The following RPS6KA2 variants were observed in gnomAD, a reference collection of about 807,000 sequenced individuals.
RPS6KA2 encodes the protein ribosomal protein S6 kinase alpha-2.
RPS6KA2 carries 42 observed loss-of-function variants against 91.8 expected under a neutral mutation model. The ratio of observed to expected loss-of-function variants is 0.46; its 90% CI spans 0.36 to 0.59. The LOEUF (loss-of-function observed/expected upper bound fraction) is 0.59. RPS6KA2 is among the 20% of genes least tolerant of loss of function. RPS6KA2 has a pLI of 0.00. For synonymous variants in RPS6KA2, 414 were observed against 393.6 expected (o/e 1.05, Z -0.61); for missense variants, 798 against 978.5 (o/e 0.82, Z 2.46).
chr6:166,670,470 G>T (rs944297738), intron 2 of RPS6KA2, among the ~76,000 whole-genome samples: 1 of 152,134 alleles, frequency 6.6e-6, no homozygotes, highest in African/African-American at 2.4e-5. Context: ...TAAGTTTGGG[G>T]GTAATTTGTT....
intron 2 of RPS6KA2, among the ~76,000 whole-genome samples, chr6:166,663,550 G>T (rs886410011): frequency 2.6e-5 from 4 of 152,186 alleles, no homozygotes; most frequent in African/African-American, 4.8e-5. Context: ...CCCCTCTTTG[G>T]GTCTTTGGTT....
At chr6:166,654,794 G>A (rs1324017565) in intron 2 of RPS6KA2, among the ~76,000 whole-genome samples, 5 of 152,132 alleles carry the variant, frequency 3.3e-5, no homozygotes, top group South Asian at 4.1e-4. Context: ...TGTACATCAC[G>A]TTAGGAGACC....
chr6:166,808,940 C>T (rs572609688), intron 2 of RPS6KA2, among the ~76,000 whole-genome samples: 18 of 152,184 alleles, frequency 1.2e-4, no homozygotes, highest in African/African-American at 3.9e-4. Flanking sequence ...GGTACAGAGG[C>T]GAGACTTGAC....
At chr6:166,720,906 G>A (rs1383928900) in intron 2 of RPS6KA2, among the ~76,000 whole-genome samples, 3 of 152,206 alleles carry the variant, frequency 2.0e-5, no homozygotes, top group African/African-American at 4.8e-5. Flanking sequence ...ATGAGCTCCT[G>A]TGTTTAATCT....
chr6:166,569,430 T>C (rs1204777579), intron 1 of RPS6KA2, among the ~76,000 whole-genome samples: 1 of 152,250 alleles, frequency 6.6e-6, no homozygotes, highest in Admixed American at 6.5e-5. Context: ...TTGCATGGTA[T>C]GTGTCTCTTT....
intron 19 of RPS6KA2, among the ~76,000 whole-genome samples, chr6:166,417,485 C>A (rs1392529811): frequency 6.6e-6 from 1 of 152,182 alleles, no homozygotes; most frequent in East Asian, 1.9e-4. Context: ...AATTCTGTGG[C>A]AGATAGCCTG....
chr6:166,858,733 A>G (rs888650108), intron 1 of RPS6KA2, among the ~76,000 whole-genome samples: 3 of 152,364 alleles, frequency 2.0e-5, no homozygotes, highest in African/African-American at 7.2e-5. Context: ...TAGCAGAGAA[A>G]TGAGGCCCAG....
chr6:166,527,154 C>CT (rs1238785797), intron 3 of RPS6KA2, among the ~76,000 whole-genome samples: 7 of 152,230 alleles, frequency 4.6e-5, no homozygotes, highest in African/African-American at 1.7e-4. Flanking sequence ...CAGGGTGCAG[C>CT]TTCCCGCTCC....
chr6:166,780,153 T>C lies in RPS6KA2; in HGVS notation c.123+78047A>G, dbSNP rs79869502. On this transcript the variant is annotated intron_variant, in intron 2 of 21. Transcript: ENST00000503859. ...AGCGTCACTGTGACCAATAGCAGCATAGTTCTGGGCTGCATCGCGTACCCC... is the reference window on the plus strand; with the variant it reads ...AGCGTCACTGTGACCAATAGCAGCACAGTTCTGGGCTGCATCGCGTACCCC... Among the ~76,000 whole-genome samples, 1,241 of 152,286 alleles carry C rather than the reference T, an allele frequency of 8.1e-3. 7 individuals are homozygous for C. The highest frequency in any genetic ancestry group is 0.025 in the African/African-American group (1,039 of 41,540).
In RPS6KA2 at chr6:166,733,546, A is replaced by G. The variant is rs1476571439; in HGVS notation, c.123+124654T>C. ...TTCGGATCTTATATTCCTTCTTCTC[A>G]TCTCATTTTCTTCGTCTGATAATCT... On this transcript the variant is annotated intron_variant, in intron 2 of 21. Coordinates refer to the RPS6KA2 transcript ENST00000503859. This position sits in a 1 kb window ranked among gnomAD's most constrained non-coding sequence, Gnocchi z 4.1. Among the ~76,000 whole-genome samples, 1 of 152,110 alleles carries G rather than the reference A, an allele frequency of 6.6e-6. No homozygotes were observed. Among genetic ancestry groups the G allele is most frequent in the Non-Finnish European group, 1.5e-5 (1 of 68,030 alleles).
At chr6:166,753,641 T>C (rs1230681741) in intron 2 of RPS6KA2, among the ~76,000 whole-genome samples, 1 of 152,226 alleles carries the variant, frequency 6.6e-6, no homozygotes, top group Non-Finnish European at 1.5e-5. Context: ...GTTGTTATTA[T>C]GAAAGTTTGT....
intron 10 of RPS6KA2, among the ~76,000 whole-genome samples, chr6:166,479,047 C>G (rs938638100): frequency 2.0e-5 from 3 of 152,196 alleles, no homozygotes; most frequent in Non-Finnish European, 4.4e-5. Flanking sequence ...CCCACACGCT[C>G]CCCTCTCCTC....
rs1181594143 is a variant in RPS6KA2 at position 166,861,509 on chromosome 6, C to T, written c.63+599G>A. On this transcript the variant is annotated intron_variant, in intron 1 of 21. Transcript: ENST00000503859. The stretch of plus-strand genomic sequence containing the variant: ...GAAGCATGGAGTGAAAAACTCTCAG[C>T]AGTGATTCCTGCACACCCACCAGCC... 2.0e-5 allele frequency among the ~76,000 whole-genome samples: 3 copies of T among 152,236 alleles called. No individual in the cohort carries two copies. In the East Asian group the frequency reaches 5.8e-4, roughly 29 times the overall value.
At chr6:166,590,232 T>TG (rs1562327566) in intron 1 of RPS6KA2, among the ~76,000 whole-genome samples, 7 of 152,054 alleles carry the variant, frequency 4.6e-5, no homozygotes. Context: ...TTGGACATAG[T>TG]GGGAAATAGA....
chr6:166,673,720 A>G (rs906473991), intron 2 of RPS6KA2, among the ~76,000 whole-genome samples: 6 of 152,108 alleles, frequency 3.9e-5, no homozygotes, highest in Non-Finnish European at 8.8e-5. Flanking sequence ...TAAAAATATT[A>G]TTTCTTTTGT....
At chr6:166,723,794 G>A (rs913354640) in intron 2 of RPS6KA2, among the ~76,000 whole-genome samples, 4 of 148,550 alleles carry the variant, frequency 2.7e-5, no homozygotes, top group African/African-American at 5.1e-5. Context: ...TCTGCCTCCC[G>A]GTTCAAGCGA....
chr6:166,643,042 T>G (rs534156956), intron 2 of RPS6KA2, among the ~76,000 whole-genome samples: 1 of 152,282 alleles, frequency 6.6e-6, no homozygotes, highest in South Asian at 2.1e-4. Flanking sequence ...TAGGCCCCCA[T>G]AGGATGTGGG....
rs1374441584 is a variant in RPS6KA2 at position 166,852,350 on chromosome 6, T to C, written c.123+5850A>G. Reference sequence around the variant, plus strand: ...TTCTTGTAAACAGTAATTGCATTGCTCTTAATTGCTTCATTAGTGCCTGGG... The same window carrying C: ...TTCTTGTAAACAGTAATTGCATTGCCCTTAATTGCTTCATTAGTGCCTGGG... On this transcript the variant is annotated intron_variant, in intron 2 of 21. Coordinates refer to the RPS6KA2 transcript ENST00000503859. The surrounding 1 kb of genome is among the most constrained non-coding windows in gnomAD (Gnocchi z 4.1). 1.3e-5 allele frequency among the ~76,000 whole-genome samples: 2 copies of C among 152,238 alleles called. No homozygotes were observed. The highest frequency in any genetic ancestry group is 4.8e-5 in the African/African-American group (2 of 41,462).
intron 2 of RPS6KA2, among the ~76,000 whole-genome samples, chr6:166,727,471 G>C (rs1391924024): frequency 1.3e-5 from 2 of 152,028 alleles, no homozygotes; most frequent in Non-Finnish European, 2.9e-5. Flanking sequence ...CCAGCACCCA[G>C]AACATCAGCA....
Sources: gnomAD v4.1 joint callset for allele counts (sites outside exome capture counted in the v4.1 genomes callset) on GRCh38, gnomAD v4.1.1 for gene constraint, Gnocchi (gnomAD v3.1) non-coding constraint, MANE v1.5 for transcripts, NCBI Gene and HGNC (gene_info 2026-07-23, HGNC 2026-07-21) for gene names.